Variants in CRYBG1 observed in about 807,000 individuals in gnomAD.
CRYBG1 encodes the protein crystallin beta-gamma domain containing 1, also known as beta/gamma crystallin domain-containing protein 1.
A neutral mutation model predicts 189.2 loss-of-function variants in CRYBG1; 139 were observed. The observed-to-expected ratio is 0.73, with a 90% CI of 0.64 to 0.85. CRYBG1 has a LOEUF of 0.85. CRYBG1 is among the 40% of genes least tolerant of loss of function. The probability of loss-of-function intolerance (pLI) is 0.00; values close to 1 mark genes in which losing one functional copy is unlikely to be tolerated. For missense variants in CRYBG1, 2,611 were observed against 2,675.8 expected (o/e 0.98, Z 0.53); for synonymous variants, 1,023 against 1,017.1 (o/e 1.01, Z -0.11).
At chr6:106,367,841 C>A (rs1218640203) in intron 1 of CRYBG1, among the ~76,000 whole-genome samples, 1 of 151,090 alleles carries the variant, frequency 6.6e-6, no homozygotes, top group Non-Finnish European at 1.5e-5. Flanking sequence ...GTGGCACACA[C>A]CTGTGGTCTC....
At chr6:106,436,338 G>A (rs1465926766) in intron 1 of CRYBG1, among the ~76,000 whole-genome samples, 1 of 139,578 alleles carries the variant, frequency 7.2e-6, no homozygotes, top group South Asian at 2.2e-4. Context: ...TCGCTCTGTT[G>A]CCTAGGCTGG....
At chr6:106,489,941 C>A (rs769718509) in intron 2 of CRYBG1, among the ~76,000 whole-genome samples, 4 of 152,028 alleles carry the variant, frequency 2.6e-5, no homozygotes, top group Non-Finnish European at 5.9e-5. Flanking sequence ...TCATTAATAT[C>A]TGGAGAAACA....
chr6:106,559,861 A>C (rs1237398017), intron 18 of CRYBG1, among the ~76,000 whole-genome samples: 1 of 152,178 alleles, frequency 6.6e-6, no homozygotes, highest in Non-Finnish European at 1.5e-5. Flanking sequence ...TTGGGAGGTC[A>C]AAGTGGGCAG....
At chr6:106,369,016 G>A (rs1219866028) in intron 1 of CRYBG1, among the ~76,000 whole-genome samples, 2 of 152,178 alleles carry the variant, frequency 1.3e-5, no homozygotes, top group Non-Finnish European at 2.9e-5. Flanking sequence ...TACAGAGCTT[G>A]AAGTAATGCT....
intron 8 of CRYBG1, among the ~76,000 whole-genome samples, chr6:106,532,437 A>G (rs1441665059): frequency 1.3e-5 from 2 of 152,202 alleles, no homozygotes; most frequent in African/African-American, 4.8e-5. Context: ...GTGAGATTGC[A>G]AGATCACACA....
chr6:106,526,721 C>T (rs1773745233), intron 6 of CRYBG1, among the ~76,000 whole-genome samples: 1 of 151,950 alleles, frequency 6.6e-6, no homozygotes, highest in Non-Finnish European at 1.5e-5. Flanking sequence ...GTGGGCAGAT[C>T]ACTTGAGGCC....
chr6:106,501,887 C>T (rs1283200587), intron 2 of CRYBG1, among the ~76,000 whole-genome samples: 2 of 152,184 alleles, frequency 1.3e-5, no homozygotes, highest in South Asian at 2.1e-4. Context: ...ACTATTAAAT[C>T]CACACTTACA....
At chr6:106,363,281 T>C (rs1771917336) in intron 1 of CRYBG1, among the ~76,000 whole-genome samples, 1 of 151,286 alleles carries the variant, frequency 6.6e-6, no homozygotes, top group South Asian at 2.1e-4. Flanking sequence ...AAATAGGAGA[T>C]TTGCTTCTCT....
chr6:106,391,966 T>TGC (rs1219282437), intron 1 of CRYBG1, among the ~76,000 whole-genome samples: 2 of 41,396 alleles, frequency 4.8e-5, no homozygotes, highest in African/African-American at 3.0e-4. Context: ...TGTGTGTGTG[T>TGC]GTGTGCGTGC....
chr6:106,561,562 A>G, intron 20 of CRYBG1, 62 bp downstream of exon 20: 2 of 1,536,440 alleles, frequency 1.3e-6, no homozygotes, highest in Admixed American at 4.2e-5. Flanking sequence ...TCATCCTTTC[A>G]TATGCTTTTG....
chr6:106,535,757 C>CTTTTTTTT lies in CRYBG1; in HGVS notation c.4719-3615_4719-3608dup. On this transcript the variant is annotated intron_variant, in intron 8 of 21. Coordinates refer to ENST00000633556, the MANE Select transcript of CRYBG1 (RefSeq NM_001371242.2). The stretch of plus-strand genomic sequence containing the variant: ...CCATCTTTGTTTCCCAAGCCACTAA[C>CTTTTTTTT]TTTTTTTTTTTTTTTTTTTTTTTTT... 3.4e-3 allele frequency among the ~76,000 whole-genome samples: 8 copies of CTTTTTTTT among 2,340 alleles called. 1 individual carries two copies. The highest frequency in any genetic ancestry group is 0.017 in the African/African-American group (8 of 478). 1.5% of individuals were successfully genotyped at this position (2,340 alleles called of 152,430 possible).
intron 1 of CRYBG1, among the ~76,000 whole-genome samples, chr6:106,370,335 C>A (rs1582724969): frequency 6.6e-6 from 1 of 152,208 alleles, no homozygotes; most frequent in Non-Finnish European, 1.5e-5. Flanking sequence ...CAGGAGAATG[C>A]AAGGTCAGAG....
intron 1 of CRYBG1, among the ~76,000 whole-genome samples, chr6:106,362,514 G>C (rs1362172049): frequency 2.6e-5 from 4 of 152,194 alleles, no homozygotes; most frequent in Non-Finnish European, 5.9e-5. Context: ...GGCAGAAACA[G>C]GGAGGAGCAG....
chr6:106,478,878 A>G lies in CRYBG1; in HGVS notation c.312+27046A>G, dbSNP rs79405443. On this transcript the variant is annotated intron_variant, in intron 2 of 21. Coordinates refer to ENST00000633556, the MANE Select transcript of CRYBG1 (RefSeq NM_001371242.2). ...GGATCTAGATTGCATGCTCCTTAAG[A>G]GAATCTAATGTCTGATGATCTGCCA... is the stretch of plus-strand genomic sequence containing the variant. 5.7e-3 allele frequency among the ~76,000 whole-genome samples: 862 copies of G among 152,304 alleles called. 38 individuals are homozygous for G. The East Asian group carries it at 0.12, about 20-fold the overall frequency.
chr6:106,450,206 G>T (rs374445116), intron 1 of CRYBG1, among the ~76,000 whole-genome samples: 3 of 134,972 alleles, frequency 2.2e-5, no homozygotes, highest in African/African-American at 8.8e-5. Context: ...GACAGAGTGA[G>T]ACTCTGTCTC....
chr6:106,473,395 A>C (rs1772275303), intron 2 of CRYBG1, among the ~76,000 whole-genome samples: 1 of 152,208 alleles, frequency 6.6e-6, no homozygotes, highest in Non-Finnish European at 1.5e-5. Context: ...ACTCATGTTT[A>C]ATTTAATGTA....
Position 106,530,315 on chromosome 6 carries a change from CGTAA to C in CRYBG1, c.4718+4_4718+7del. The C allele has an allele frequency of 6.3e-7, 1 of 1,591,908 alleles. No homozygotes were observed. Among genetic ancestry groups the C allele is most frequent in the Admixed American group, 1.8e-5 (1 of 54,996 alleles). Reference sequence around the variant, plus strand: ...TGTTCCATGAAAGTACATTGGGGCACGTAAGTATTTTTTTTTCAAACAAATTTTA... The same window carrying C: ...TGTTCCATGAAAGTACATTGGGGCACGTATTTTTTTTTCAAACAAATTTTA... On this transcript the variant is annotated splice_donor_variant and splice_donor_region_variant and intron_variant, in intron 8 of 21. Coordinates refer to ENST00000633556, the MANE Select transcript of CRYBG1 (RefSeq NM_001371242.2). LOFTEE classifies it high-confidence loss of function.
At chr6:106,371,241 A>G (rs904453340) in intron 1 of CRYBG1, among the ~76,000 whole-genome samples, 8 of 152,246 alleles carry the variant, frequency 5.3e-5, no homozygotes, top group Non-Finnish European at 7.3e-5. Context: ...ATTCATAAAT[A>G]TCTCATGAAA....
At chr6:106,432,396 C>T (rs9400000) in intron 1 of CRYBG1, among the ~76,000 whole-genome samples, 77,129 of 152,072 alleles carry the variant, frequency 0.51, 20,664 homozygotes, top group East Asian at 0.83. Context: ...TCTTCACTCC[C>T]TTTCTCATTT....
Sources: allele counts gnomAD v4.1 joint callset (sites outside exome capture counted in the v4.1 genomes callset), GRCh38; gene constraint gnomAD v4.1.1; transcripts MANE v1.5; gene names NCBI Gene and HGNC (gene_info 2026-07-23, HGNC 2026-07-21).